Variants in ESYT2 observed in about 807,000 individuals in gnomAD.
ESYT2 encodes extended synaptotagmin-2.
In ESYT2, 54 loss-of-function variants were observed where a neutral mutation model predicts 107.2. The ratio of observed to expected loss-of-function variants is 0.50; its 90% CI spans 0.40 to 0.63. The LOEUF is 0.63. Among genes scored for constraint, ESYT2 ranks in the 30% least tolerant of loss-of-function variants. ESYT2 has a pLI of 0.00. For missense variants in ESYT2, 1,020 were observed against 1,094.5 expected, an observed-to-expected ratio of 0.93 and a Z score of 0.96; for synonymous variants, 491 against 434.1, an observed-to-expected ratio of 1.13 and a Z score of -1.63.
At chr7:158,756,352 T>C (rs1180753156) in intron 13 of ESYT2, among the ~76,000 whole-genome samples, 1 of 152,126 alleles carries the variant, frequency 6.6e-6, no homozygotes, top group Non-Finnish European at 1.5e-5. Flanking sequence ...GGGCAACATA[T>C]GATGAGATGG....
intron 1 of ESYT2, among the ~76,000 whole-genome samples, chr7:158,811,158 T>TA (rs1162256394): frequency 1.3e-5 from 2 of 150,310 alleles, no homozygotes; most frequent in Non-Finnish European, 2.9e-5. Context: ...CACTGTCTCT[T>TA]AAAAAATAAA....
rs1359827274 is a variant in ESYT2 at position 158,737,087 on chromosome 7, T to A, written c.2360A>T (p.His787Leu). The A allele has an allele frequency of 6.2e-7, 1 of 1,614,008 alleles. No homozygotes were observed. The highest frequency in any genetic ancestry group is 2.2e-5 in the East Asian group (1 of 44,884). Residue 787 changes from histidine to leucine, a missense_variant, in exon 20 of 23, where the codon CAC (histidine) becomes CTC (leucine). Transcript: ENST00000275418. ...TGGATTTAATGTTTTCTTTGACACG[T>A]GTGTTTTCCTCCTTCCTGACCGCCT... is the stretch of plus-strand genomic sequence containing the variant. ...DKRRSGRRKT[H>L]VSKKTLNPVF... is the part of the protein sequence containing the mutation.
intron 15 of ESYT2, among the ~76,000 whole-genome samples, chr7:158,748,700 T>C (rs1837485522): frequency 6.6e-6 from 1 of 151,530 alleles, no homozygotes; most frequent in African/African-American, 2.4e-5. Context: ...GGGCAATTTC[T>C]TTCTTTTTTT....
chr7:158,804,367 C>T (rs13225312), intron 1 of ESYT2, among the ~76,000 whole-genome samples: 5,891 of 95,786 alleles, frequency 0.062, 518 homozygotes, highest in African/African-American at 0.086. Context: ...AAACCCAAAC[C>T]GTTGAGAAGG....
chr7:158,747,784 A>T (rs1837453648), intron 16 of ESYT2, among the ~76,000 whole-genome samples: 1 of 152,228 alleles, frequency 6.6e-6, no homozygotes, highest in Admixed American at 6.5e-5. Context: ...CTAAACCGGA[A>T]AGAACCCAAT....
intron 14 of ESYT2, among the ~76,000 whole-genome samples, chr7:158,751,460 G>A (rs561969738): frequency 2.6e-5 from 4 of 152,064 alleles, no homozygotes; most frequent in Admixed American, 2.0e-4. Flanking sequence ...AAATATAAGC[G>A]TTAAGTCAGA....
rs758337829 is a variant in ESYT2 at position 158,829,142 on chromosome 7, C to T, written c.277G>A (p.Asp93Asn). The change falls in exon 1 of 23, where the codon GAC becomes AAC. Residue 93 changes from aspartate to asparagine, a missense_variant. Physicochemically the swap from Asp to Asn is conservative, Grantham distance 23. Transcript: ENST00000275418. ...RLCRALALLE[D>N]EERVVRLGVR... ...CCCAGGCGCACGACGCGCTCCTCGT[C>T]TTCCAGCAGCGCCAGCGCGCGGCAC... 3.8e-6 allele frequency: 6 copies of T among 1,567,330 alleles called. No homozygotes were observed. In the East Asian group the frequency reaches 9.4e-5, roughly 25 times the overall value.
intron 7 of ESYT2, among the ~76,000 whole-genome samples, chr7:158,768,763 T>TA (rs1342741333): frequency 1.3e-5 from 2 of 152,212 alleles, no homozygotes; most frequent in Admixed American, 6.5e-5. Flanking sequence ...CACGGTGCCT[T>TA]ACGCCTGTAA....
At chr7:158,781,177 G>C (rs1838778362) in intron 6 of ESYT2, among the ~76,000 whole-genome samples, 1 of 151,806 alleles carries the variant, frequency 6.6e-6, no homozygotes, top group Non-Finnish European at 1.5e-5. Flanking sequence ...AGGAGTGTGA[G>C]AGAACAAATG....
intron 4 of ESYT2, among the ~76,000 whole-genome samples, chr7:158,790,093 C>G (rs11976471): frequency 6.6e-6 from 1 of 152,196 alleles, no homozygotes; most frequent in African/African-American, 2.4e-5. Context: ...CTGCCTGACC[C>G]GAGACATACG....
rs1035332076 is a variant in ESYT2 at position 158,772,506 on chromosome 7, T to C, written c.803+835A>G. 5.3e-5 allele frequency among the ~76,000 whole-genome samples: 8 copies of C among 152,196 alleles called. No individual in the cohort carries two copies. The East Asian group carries it at 1.5e-3, about 29-fold the overall frequency. ...AAAATATCCACTAGAAACATATAACTTTAACCCACAGGTGATATGTTTTAA... is the reference window on the plus strand; with the variant it reads ...AAAATATCCACTAGAAACATATAACCTTAACCCACAGGTGATATGTTTTAA... On this transcript the variant is annotated intron_variant, in intron 7 of 22. Coordinates refer to ENST00000275418, the MANE Select transcript of ESYT2 (RefSeq NM_001367773.1).
At chr7:158,825,207 C>G (rs112827247) in intron 1 of ESYT2, among the ~76,000 whole-genome samples, 3 of 152,134 alleles carry the variant, frequency 2.0e-5, no homozygotes, top group Non-Finnish European at 2.9e-5. Context: ...GCAGGAGAGT[C>G]GCTTAAACCC....
At chr7:158,795,614 G>A (rs772107122) in intron 3 of ESYT2, among the ~76,000 whole-genome samples, 52 of 125,626 alleles carry the variant, frequency 4.1e-4, no homozygotes, top group East Asian at 2.5e-3. Context: ...CAGCCCCTGC[G>A]GCCATGTACA....
chr7:158,748,008 G>T (rs563169024), intron 16 of ESYT2, among the ~76,000 whole-genome samples, 186 bp downstream of exon 16: 12 of 152,338 alleles, frequency 7.9e-5, no homozygotes, highest in Admixed American at 7.8e-4. Flanking sequence ...GTAATCTACA[G>T]TGACCAAAGG....
At chr7:158,795,276 G>A (rs1164460496) in intron 3 of ESYT2, among the ~76,000 whole-genome samples, 3 of 152,190 alleles carry the variant, frequency 2.0e-5, no homozygotes, top group African/African-American at 7.2e-5. Flanking sequence ...AAATGCCAAA[G>A]CTATCTTTAT....
At chr7:158,783,082 G>A (rs1838979468) in intron 6 of ESYT2, among the ~76,000 whole-genome samples, 2 of 152,200 alleles carry the variant, frequency 1.3e-5, no homozygotes, top group African/African-American at 4.8e-5. Flanking sequence ...GGAGGACTGA[G>A]CTATTTCAGG....
At chr7:158,779,635 A>C (rs904354060) in intron 6 of ESYT2, among the ~76,000 whole-genome samples, 1 of 152,012 alleles carries the variant, frequency 6.6e-6, no homozygotes, top group African/African-American at 2.4e-5. Context: ...GGAAGAAACG[A>C]CTGATTTTTA....
chr7:158,765,169 G>A (rs1838111737), intron 8 of ESYT2, among the ~76,000 whole-genome samples: 1 of 152,008 alleles, frequency 6.6e-6, no homozygotes, highest in South Asian at 2.1e-4. Flanking sequence ...CCCAGAGCGC[G>A]CTCCTGGCAG....
rs370155921 is a variant in ESYT2 at position 158,739,003 on chromosome 7, C to T, written c.2267+20G>A. On this transcript the variant is annotated intron_variant, in intron 19 of 22. Transcript: ENST00000275418. ...ACACTCAGCAGCACAGCAGCGGGCG[C>T]GTGGGACCCCAGCCCCCACCTGCAG... is the stretch of plus-strand genomic sequence containing the variant. 133 of 1,608,060 alleles carry T rather than the reference C, an allele frequency of 8.3e-5. No homozygotes were observed. In the African/African-American group the frequency reaches 9.7e-4, roughly 12 times the overall value.
Sources: gnomAD v4.1 joint callset for allele counts (sites outside exome capture counted in the v4.1 genomes callset) on GRCh38, gnomAD v4.1.1 for gene constraint, MANE v1.5 for transcripts, NCBI Gene and HGNC (gene_info 2026-07-23, HGNC 2026-07-21) for gene names.